The following ZNF846 variants were observed in gnomAD, a reference collection of about 807,000 sequenced individuals.
ZNF846 encodes zinc finger protein 420 pseudogene.
In ZNF846, 15 loss-of-function variants were observed where a neutral mutation model predicts 16.0. The ratio of observed to expected loss-of-function variants is 0.94; its 90% CI spans 0.63 to 1.45. The LOEUF is 1.45. Among genes scored for constraint, ZNF846 ranks in the 40% most tolerant of loss-of-function variants. The pLI is 0.00. For synonymous variants in ZNF846, 229 were observed against 212.0 expected (o/e 1.08, Z -0.70); for missense variants, 714 against 622.3 (o/e 1.15, Z -1.57).
chr19:9,757,990 C>G, exon 6 of ZNF846: 1 of 1,613,676 alleles, frequency 6.2e-7, no homozygotes, highest in South Asian at 1.1e-5. Flanking sequence ...TACAGCTTCT[C>G]TCCACTGTGA....
intron 1 of ZNF846, among the ~76,000 whole-genome samples, chr19:9,776,251 G>A (rs111392848): frequency 0.11 from 16,642 of 152,160 alleles, 1,293 homozygotes; most frequent in African/African-American, 0.21. Flanking sequence ...TCTTGTGGAG[G>A]GCCTGACATC....
chr19:9,763,680 A>G (rs564332607), intron 2 of ZNF846, among the ~76,000 whole-genome samples: 1 of 152,334 alleles, frequency 6.6e-6, no homozygotes, highest in South Asian at 2.1e-4. Context: ...TCTGCACTGA[A>G]TATGTTGCAG....
chr19:9,762,901 T>C (rs2045252185), intron 3 of ZNF846, among the ~76,000 whole-genome samples: 1 of 152,268 alleles, frequency 6.6e-6, no homozygotes, highest in African/African-American at 2.4e-5. Flanking sequence ...TCCTAGCACT[T>C]TGGGAGGCCA....
intron 1 of ZNF846, among the ~76,000 whole-genome samples, chr19:9,784,839 C>T (rs531576087): frequency 6.6e-6 from 1 of 152,254 alleles, no homozygotes; most frequent in East Asian, 1.9e-4. Flanking sequence ...CAAAGCACAT[C>T]CTGCACAGCC....
At chr19:9,783,542 A>T (rs868158742) in intron 1 of ZNF846, among the ~76,000 whole-genome samples, 18,979 of 111,990 alleles carry the variant, frequency 0.17, 1,658 homozygotes, top group African/African-American at 0.28. Context: ...AAAAAAAAAA[A>T]AAATATATAT....
At chr19:9,755,969 C>T (rs890436633), downstream of ZNF846, among the ~76,000 whole-genome samples, 7 of 147,592 alleles carry the variant, frequency 4.7e-5, no homozygotes, top group Admixed American at 3.3e-4. Flanking sequence ...GCCTCCCAAG[C>T]AATTGGGATT....
At chr19:9,781,605 GCAAA>G (rs1238497574) in intron 1 of ZNF846, among the ~76,000 whole-genome samples, 1 of 151,934 alleles carries the variant, frequency 6.6e-6, no homozygotes, top group East Asian at 1.9e-4. Context: ...TGGAAGTTAG[GCAAA>G]CAGTCTTCTG....
chr19:9,757,488 C>T (rs2045149129), exon 6 of ZNF846: 3 of 1,572,098 alleles, frequency 1.9e-6, no homozygotes, highest in Non-Finnish European at 2.6e-6. Context: ...GGTTTTTTCA[C>T]ATGCCTTAGT....
chr19:9,780,048 G>GTTTTTTTTTTTTTTTTTTTTTTTT, intron 1 of ZNF846, among the ~76,000 whole-genome samples: 1 of 124,310 alleles, frequency 8.0e-6, no homozygotes, highest in African/African-American at 3.4e-5. Context: ...AGCTAATTTT[G>GTTTTTTTTTTTTTTTTTTTTTTTT]TTTTTTTTTT....
chr19:9,770,865 T>C (rs1271913982), upstream of ZNF846, among the ~76,000 whole-genome samples: 3 of 150,454 alleles, frequency 2.0e-5, no homozygotes, highest in Non-Finnish European at 4.4e-5. Flanking sequence ...CACAACTGTC[T>C]CAAAAAAATA....
exon 6 of ZNF846, chr19:9,758,339 T>A (rs2045166962): frequency 2.4e-5 from 38 of 1,613,598 alleles, no homozygotes; most frequent in Non-Finnish European, 3.2e-5. Flanking sequence ...CACTGTGAAT[T>A]CTTCCATGTC....
At chr19:9,756,373 A>G (rs908507182), downstream of ZNF846, 35 of 139,416 alleles carry the variant, frequency 2.5e-4, 4 homozygotes, top group African/African-American at 9.9e-4. Flanking sequence ...ATATATATAT[A>G]TATATATATA....
intron 1 of ZNF846, chr19:9,774,803 C>A (rs2145297961): frequency 6.2e-7 from 1 of 1,600,520 alleles, no homozygotes; most frequent in East Asian, 2.2e-5. Context: ...CAAAACCGAC[C>A]AAGTAATCCA....
rs1340564433 is a variant in ZNF846 at position 9,783,536 on chromosome 19, A to ATATATAT, written c.-86+2401_-86+2402insATATATA. On this transcript the variant is annotated intron_variant, in intron 1 of 4. Transcript: ENST00000586814. Reference sequence around the variant, plus strand: ...TGAGAGTCTCATCACTAAAAAAAAAAAAAAAAAAATATATATATATATATA... The same window carrying ATATATAT: ...TGAGAGTCTCATCACTAAAAAAAAAATATATATAAAAAAAAATATATATATATATATA... Among the ~76,000 whole-genome samples the ATATATAT allele has an allele frequency of 1.2e-3, 134 of 108,322 alleles. 1 individual carries two copies. The highest frequency in any genetic ancestry group is 1.9e-3 in the Non-Finnish European group (103 of 54,342). 71.1% of individuals were successfully genotyped at this position (108,322 alleles called of 152,430 possible).
intron 5 of ZNF846, 51 bp downstream of exon 5, chr19:9,759,809 T>C (rs2045193584): frequency 1.4e-6 from 2 of 1,391,412 alleles, no homozygotes; most frequent in South Asian, 2.4e-5. Flanking sequence ...TTTTCATGAA[T>C]ATTGTGCTTC....
exon 4 of ZNF846, chr19:9,762,144 C>T (rs1374159189): frequency 1.2e-6 from 2 of 1,613,994 alleles, no homozygotes; most frequent in African/African-American, 2.7e-5. Context: ...AGACATGAGA[C>T]TACGTTTGAA....
chr19:9,751,286 G>A (rs763254251), downstream of ZNF846, among the ~76,000 whole-genome samples: 120 of 152,056 alleles, frequency 7.9e-4, no homozygotes, highest in Admixed American at 7.9e-4. Context: ...CCACACCACC[G>A]CTAATCCTGC....
downstream of ZNF846, among the ~76,000 whole-genome samples, chr19:9,755,320 A>ACCT (rs1255030758): frequency 6.6e-6 from 1 of 151,706 alleles, no homozygotes; most frequent in East Asian, 1.9e-4. Context: ...GTCCATGACA[A>ACCT]GTCGTCATGG....
intron 1 of ZNF846, among the ~76,000 whole-genome samples, chr19:9,766,352 T>G (rs1464298759): frequency 1.4e-5 from 2 of 143,972 alleles, no homozygotes; most frequent in Admixed American, 1.5e-4. Context: ...AGACAGAAAT[T>G]ACAGTGAGCC....
Sources: allele counts gnomAD v4.1 joint callset (sites outside exome capture counted in the v4.1 genomes callset), GRCh38; gene constraint gnomAD v4.1.1; transcripts MANE v1.5; gene names NCBI Gene and HGNC (gene_info 2026-07-23, HGNC 2026-07-21).